The following ITGBL1 variants were observed in gnomAD, a reference collection of about 807,000 sequenced individuals.
ITGBL1 encodes the protein integrin subunit beta like 1.
Under a neutral mutation model 68.5 loss-of-function variants are expected in ITGBL1, and 51 were observed. That is an observed-to-expected ratio of 0.74 (90% CI 0.59 to 0.94). The LOEUF (loss-of-function observed/expected upper bound fraction) is 0.94. ITGBL1 is among the 40% of genes least tolerant of loss of function. The pLI is 0.00. For synonymous variants in ITGBL1, 209 were observed against 227.3 expected (o/e 0.92, Z 0.72); for missense variants, 649 against 647.4 (o/e 1.00, Z -0.03).
At chr13:101,511,014 T>G (rs2049107207) in intron 2 of ITGBL1, among the ~76,000 whole-genome samples, 1 of 152,112 alleles carries the variant, frequency 6.6e-6, no homozygotes. Context: ...TAGATCTCAC[T>G]TGTCAATTTT....
At chr13:101,456,335 C>T (rs559430512) in intron 2 of ITGBL1, among the ~76,000 whole-genome samples, 7 of 152,288 alleles carry the variant, frequency 4.6e-5, no homozygotes, top group African/African-American at 7.2e-5. Context: ...GGGGCCCATG[C>T]GGAGATCCCT....
At chr13:101,668,323 G>T (rs1483685698) in intron 7 of ITGBL1, among the ~76,000 whole-genome samples, 1 of 152,174 alleles carries the variant, frequency 6.6e-6, no homozygotes, top group South Asian at 2.1e-4. Context: ...AGGGGGCAGA[G>T]GTTGCAGTGA....
intron 2 of ITGBL1, among the ~76,000 whole-genome samples, chr13:101,498,292 G>T (rs1169335254): frequency 1.3e-5 from 2 of 152,108 alleles, no homozygotes; most frequent in Non-Finnish European, 2.9e-5. Context: ...TTCCCTTGCA[G>T]ATGTGAACAA....
chr13:101,683,561 T>C (rs2033689994), intron 7 of ITGBL1, among the ~76,000 whole-genome samples: 1 of 152,004 alleles, frequency 6.6e-6, no homozygotes, highest in Non-Finnish European at 1.5e-5. Context: ...GGTTCACATG[T>C]GTATGCTTTT....
Position 101,497,474 on chromosome 13 carries a change from T to C in ITGBL1, c.316+43374T>C, listed in dbSNP as rs565892855. ...GTCCGTATGCCATCCTCAAAATATG[T>C]AATTGCAATGTCAATTTTTCCTGTT... On this transcript the variant is annotated intron_variant, in intron 2 of 10. Transcript: ENST00000376180. Among the ~76,000 whole-genome samples, 17 of 152,336 alleles carry C rather than the reference T, an allele frequency of 1.1e-4. No individual in the cohort carries two copies. In the East Asian group the frequency reaches 1.2e-3, roughly 10 times the overall value.
At chr13:101,697,839 G>T (rs2034038341) in intron 8 of ITGBL1, among the ~76,000 whole-genome samples, 1 of 152,140 alleles carries the variant, frequency 6.6e-6, no homozygotes, top group Non-Finnish European at 1.5e-5. Context: ...GATTGTAGTG[G>T]CCATCTGCAT....
rs185724047 is a variant in ITGBL1, at chr13:101,513,660, G to T, written c.317-54039G>T. On this transcript the variant is annotated intron_variant, in intron 2 of 10. Transcript: ENST00000376180. ...ATTCCTCTGCCTTTATAATGCTCTT[G>T]CACTTCTAAGTCTAAAGCCTTTAAA... 3.0e-3 allele frequency among the ~76,000 whole-genome samples: 456 copies of T among 152,078 alleles called. 1 individual carries two copies. The highest frequency in any genetic ancestry group is 5.2e-3 in the Non-Finnish European group (350 of 67,958).
rs190038366 is a variant in ITGBL1, at chr13:101,480,278, A to G, written c.316+26178A>G. Among the ~76,000 whole-genome samples the G allele has an allele frequency of 6.6e-4, 100 of 152,188 alleles. 1 individual carries two copies. The highest frequency in any genetic ancestry group is 4.4e-5 in the Non-Finnish European group (3 of 67,952). ...GGGAGCTAAAAATCAATGCAATTGA[A>G]TTCATGGATACAGAGAGTAGAATGA... On this transcript the variant is annotated intron_variant, in intron 2 of 10. Coordinates refer to ENST00000376180, the MANE Select transcript of ITGBL1 (RefSeq NM_004791.3).
intron 2 of ITGBL1, among the ~76,000 whole-genome samples, chr13:101,563,302 G>GA (rs1240028442): frequency 1.3e-5 from 2 of 150,460 alleles, no homozygotes; most frequent in Non-Finnish European, 1.5e-5. Context: ...AAAGATTAGA[G>GA]AAAAAAATAG....
chr13:101,709,721 C>A (rs891821485), intron 9 of ITGBL1, among the ~76,000 whole-genome samples: 2 of 152,164 alleles, frequency 1.3e-5, no homozygotes, highest in African/African-American at 4.8e-5. Context: ...TAAGAGTCAA[C>A]TATTGTTTGT....
chr13:101,717,880 GTTA>G (rs1482717053), downstream of ITGBL1: 3 of 152,010 alleles, frequency 2.0e-5, no homozygotes, highest in Non-Finnish European at 2.9e-5. Context: ...TCCTCTGTAT[GTTA>G]TTATCCTTTT....
chr13:101,659,786 T>G (rs764549361), intron 7 of ITGBL1, among the ~76,000 whole-genome samples: 1 of 152,158 alleles, frequency 6.6e-6, no homozygotes, highest in Non-Finnish European at 1.5e-5. Context: ...TAAGTAACTA[T>G]GTATCTGTTC....
chr13:101,493,960 TTG>T (rs1199987999), intron 2 of ITGBL1, among the ~76,000 whole-genome samples: 5 of 152,250 alleles, frequency 3.3e-5, no homozygotes, highest in African/African-American at 9.6e-5. Context: ...TTCTATTTCT[TTG>T]TACTTAACCC....
At chr13:101,619,493 G>A (rs1376690674) in intron 7 of ITGBL1, among the ~76,000 whole-genome samples, 1 of 152,112 alleles carries the variant, frequency 6.6e-6, no homozygotes, top group African/African-American at 2.4e-5. Flanking sequence ...GCTTGAAAAG[G>A]CCAGGAAAGA....
At chr13:101,692,049 T>C (rs2139555085) in intron 7 of ITGBL1, among the ~76,000 whole-genome samples, 1 of 152,318 alleles carries the variant, frequency 6.6e-6, no homozygotes, top group Non-Finnish European at 1.5e-5. Flanking sequence ...ATATTTAGGT[T>C]ATGCTCTTTG....
chr13:101,489,684 A>T (rs2048748373), intron 2 of ITGBL1, among the ~76,000 whole-genome samples: 1 of 152,192 alleles, frequency 6.6e-6, no homozygotes, highest in Non-Finnish European at 1.5e-5. Context: ...ATTTGGTAAG[A>T]TCCATTCTGA....
At chr13:101,526,563 C>T (rs1160940286) in intron 2 of ITGBL1, among the ~76,000 whole-genome samples, 1 of 151,874 alleles carries the variant, frequency 6.6e-6, no homozygotes, top group Non-Finnish European at 1.5e-5. Context: ...AACCATTATT[C>T]TCAGCAAACT....
intron 7 of ITGBL1, among the ~76,000 whole-genome samples, chr13:101,691,080 C>G (rs2033873443): frequency 6.6e-6 from 1 of 152,158 alleles, no homozygotes; most frequent in Non-Finnish European, 1.5e-5. Flanking sequence ...TATGCTGTTG[C>G]ATTTGCCACA....
chr13:101,461,988 G>A (rs776641601), intron 2 of ITGBL1, among the ~76,000 whole-genome samples: 3 of 152,234 alleles, frequency 2.0e-5, no homozygotes, highest in Non-Finnish European at 2.9e-5. Context: ...GAGAGAATCC[G>A]TTTCCTGGTT....
Sources: allele counts gnomAD v4.1 joint callset (sites outside exome capture counted in the v4.1 genomes callset), GRCh38; gene constraint gnomAD v4.1.1; transcripts MANE v1.5; gene names NCBI Gene and HGNC (gene_info 2026-07-23, HGNC 2026-07-21).